The following LEKR1 variants were observed in gnomAD, a reference collection of about 807,000 sequenced individuals.
The protein encoded by LEKR1 is leucine, glutamate and lysine rich 1, also known as protein LEKR1.
In LEKR1, 59 loss-of-function variants were observed where a neutral mutation model predicts 72.4. The observed-to-expected ratio is 0.82, with a 90% CI of 0.66 to 1.01. The LOEUF (loss-of-function observed/expected upper bound fraction) is 1.01. LEKR1 is among the 50% of genes least tolerant of loss of function. LEKR1 has a pLI of 0.00. For missense variants in LEKR1, 728 were observed against 759.2 expected (o/e 0.96, Z 0.48); for synonymous variants, 257 against 263.2 (o/e 0.98, Z 0.23).
intron 6 of LEKR1, among the ~76,000 whole-genome samples, chr3:156,974,158 G>C (rs555813773): frequency 6.6e-6 from 1 of 152,242 alleles, no homozygotes; most frequent in South Asian, 2.1e-4. Flanking sequence ...GTAAAATGTG[G>C]TATGTGCACA....
chr3:156,989,931 T>C (rs910727001), intron 7 of LEKR1, among the ~76,000 whole-genome samples: 11 of 152,160 alleles, frequency 7.2e-5, no homozygotes, highest in African/African-American at 2.4e-4. Context: ...TCAGCCAGCC[T>C]AATCAGTGTC....
At chr3:156,839,068 C>T (rs1468244170) in intron 2 of LEKR1, among the ~76,000 whole-genome samples, 1 of 152,128 alleles carries the variant, frequency 6.6e-6, no homozygotes, top group Non-Finnish European at 1.5e-5. Context: ...GAGACGTGAG[C>T]ACCAGGATTT....
chr3:156,826,842 A>C (rs951100910), intron 1 of LEKR1: 1 of 155,500 alleles, frequency 6.4e-6, no homozygotes, highest in African/African-American at 2.4e-5. Context: ...GATTCACGCC[A>C]TGGGAATGGT....
intron 3 of LEKR1, among the ~76,000 whole-genome samples, chr3:156,860,023 T>C (rs1716584281): frequency 6.6e-6 from 1 of 152,166 alleles, no homozygotes; most frequent in South Asian, 2.1e-4. Context: ...TGGATTTTAT[T>C]GCCTTGGTAT....
intron 2 of LEKR1, among the ~76,000 whole-genome samples, chr3:156,844,906 G>GTT (rs3060734): frequency 0.43 from 61,598 of 143,436 alleles, 14,976 homozygotes; most frequent in East Asian, 0.7. Flanking sequence ...GTAACTACAG[G>GTT]TTTTTTTTTT....
intron 10 of LEKR1, 94 bp from the exon 11 acceptor site, chr3:157,024,666 C>A: frequency 1.1e-6 from 1 of 931,604 alleles, no homozygotes. Flanking sequence ...AATTTAATGT[C>A]AGAACATTTT....
chr3:156,884,279 G>A (rs1315764421), intron 3 of LEKR1, among the ~76,000 whole-genome samples: 1 of 151,830 alleles, frequency 6.6e-6, no homozygotes, highest in Non-Finnish European at 1.5e-5. Flanking sequence ...TTCAACATTA[G>A]TATTGAGATG....
At chr3:156,880,585 G>T (rs1455931506) in intron 3 of LEKR1, among the ~76,000 whole-genome samples, 1 of 152,158 alleles carries the variant, frequency 6.6e-6, no homozygotes, top group Non-Finnish European at 1.5e-5. Flanking sequence ...GGAGGAAGTG[G>T]TACCATTCCT....
intron 3 of LEKR1, chr3:156,888,261 G>T: frequency 1.4e-6 from 1 of 694,646 alleles, no homozygotes; most frequent in Non-Finnish European, 2.6e-6. Flanking sequence ...ATGCACAGTT[G>T]ATATAAATCG....
intron 3 of LEKR1, among the ~76,000 whole-genome samples, chr3:156,916,921 T>C (rs873337): frequency 0.87 from 132,155 of 152,132 alleles, 57,708 homozygotes; most frequent in African/African-American, 0.96. Context: ...GAACAGACAA[T>C]AAAGGATAAT....
At chr3:156,894,163 T>G (rs556101328) in intron 3 of LEKR1, among the ~76,000 whole-genome samples, 9 of 152,244 alleles carry the variant, frequency 5.9e-5, no homozygotes, top group Non-Finnish European at 1.0e-4. Context: ...TCTGGACAGA[T>G]AAAGCCTCTT....
intron 2 of LEKR1, among the ~76,000 whole-genome samples, chr3:156,831,881 T>G (rs1304745115): frequency 6.6e-6 from 1 of 152,206 alleles, no homozygotes; most frequent in African/African-American, 2.4e-5. Context: ...AGACTGAATT[T>G]GGTTAGGTCA....
At chr3:156,887,668 T>C (rs1720245394) in intron 3 of LEKR1, among the ~76,000 whole-genome samples, 1 of 152,156 alleles carries the variant, frequency 6.6e-6, no homozygotes, top group Non-Finnish European at 1.5e-5. Flanking sequence ...TATAGTAATA[T>C]GAATTTTAAT....
chr3:156,983,057 C>G (rs1036145497), intron 7 of LEKR1, among the ~76,000 whole-genome samples: 2 of 152,038 alleles, frequency 1.3e-5, no homozygotes, highest in African/African-American at 2.4e-5. Flanking sequence ...TAGGAAACAT[C>G]AGTTTTGTAA....
chr3:156,896,968 G>C (rs1219156992), intron 3 of LEKR1, among the ~76,000 whole-genome samples: 1 of 152,152 alleles, frequency 6.6e-6, no homozygotes, highest in Admixed American at 6.5e-5. Flanking sequence ...AGTACCACAT[G>C]TTCTCATTTA....
At chr3:156,912,182 G>A (rs2108568888) in intron 3 of LEKR1, among the ~76,000 whole-genome samples, 1 of 151,964 alleles carries the variant, frequency 6.6e-6, no homozygotes, top group Admixed American at 6.6e-5. Flanking sequence ...AAGTGGCTTT[G>A]GGTTACATAA....
intron 6 of LEKR1, among the ~76,000 whole-genome samples, chr3:156,958,154 GT>G (rs1450987455): frequency 1.3e-5 from 2 of 152,006 alleles, no homozygotes; most frequent in Admixed American, 6.6e-5. Context: ...TACCAGGTTG[GT>G]TTTTTTGTTT....
intron 3 of LEKR1, among the ~76,000 whole-genome samples, chr3:156,914,813 T>G (rs183112169): frequency 6.6e-6 from 1 of 152,274 alleles, no homozygotes; most frequent in East Asian, 1.9e-4. Flanking sequence ...ATTTTAGGTT[T>G]GGGGTACATG....
intron 6 of LEKR1, among the ~76,000 whole-genome samples, chr3:156,966,312 A>C (rs1480119933): frequency 1.3e-5 from 2 of 152,078 alleles, no homozygotes; most frequent in Non-Finnish European, 2.9e-5. Flanking sequence ...ACCGAGTGTG[A>C]GCTGAAGCAG....
Sources: gnomAD v4.1 joint callset for allele counts (sites outside exome capture counted in the v4.1 genomes callset) on GRCh38, gnomAD v4.1.1 for gene constraint, MANE v1.5 for transcripts, NCBI Gene and HGNC (gene_info 2026-07-23, HGNC 2026-07-21) for gene names.